KCNMA1: variants seen among roughly 807,000 people sequenced by gnomAD.
KCNMA1 encodes Calcium-activated potassium channel subunit alpha-1.
KCNMA1 carries 29 observed loss-of-function variants against 140.0 expected under a neutral mutation model. That is an observed-to-expected ratio of 0.21 (90% CI 0.15 to 0.28). KCNMA1 has a LOEUF of 0.28. Among genes scored for constraint, KCNMA1 ranks in the 10% least tolerant of loss-of-function variants. The pLI is 1.00. For missense variants in KCNMA1, 880 were observed against 1,602.2 expected (o/e 0.55, Z 7.70); for synonymous variants, 612 against 611.9 (o/e 1.00, Z 0.00).
intron 19 of KCNMA1, among the ~76,000 whole-genome samples, chr10:76,999,269 T>TG (rs2085401705): frequency 6.6e-6 from 1 of 152,208 alleles, no homozygotes; most frequent in Non-Finnish European, 1.5e-5. Flanking sequence ...GGGGTCTACA[T>TG]GGGGGACACA....
At chr10:77,383,837 T>C (rs2095511295) in intron 2 of KCNMA1, among the ~76,000 whole-genome samples, 1 of 152,092 alleles carries the variant, frequency 6.6e-6, no homozygotes, top group Non-Finnish European at 1.5e-5. Flanking sequence ...GGACTACAGG[T>C]GTGCACTACT....
intron 1 of KCNMA1, among the ~76,000 whole-genome samples, chr10:77,526,068 G>A (rs1343715791): frequency 6.6e-6 from 1 of 152,152 alleles, no homozygotes; most frequent in Non-Finnish European, 1.5e-5. Context: ...TCTGGACATT[G>A]CCATGTCCAG....
chr10:77,360,586 G>A (rs891821589), intron 2 of KCNMA1, among the ~76,000 whole-genome samples: 7 of 152,106 alleles, frequency 4.6e-5, no homozygotes, highest in African/African-American at 1.4e-4. Context: ...AATACTCCCC[G>A]GAGCACCTGG....
At chr10:77,601,595 G>A (rs1361673019) in intron 1 of KCNMA1, among the ~76,000 whole-genome samples, 1 of 152,182 alleles carries the variant, frequency 6.6e-6, no homozygotes, top group Non-Finnish European at 1.5e-5. Flanking sequence ...CCCATCAGCT[G>A]CAGGACAAAG....
chr10:77,087,815 A>G (rs2096728029), intron 10 of KCNMA1, among the ~76,000 whole-genome samples: 1 of 152,222 alleles, frequency 6.6e-6, no homozygotes, highest in African/African-American at 2.4e-5. Context: ...AGGTACCGTG[A>G]TAAGTCAACA....
intron 1 of KCNMA1, among the ~76,000 whole-genome samples, chr10:77,451,326 G>A (rs1434553687): frequency 6.6e-6 from 1 of 152,158 alleles, no homozygotes; most frequent in Non-Finnish European, 1.5e-5. Context: ...GATAAAAAGA[G>A]GAACCCTGTG....
chr10:77,466,345 T>C (rs905708115), intron 1 of KCNMA1, among the ~76,000 whole-genome samples: 5 of 152,180 alleles, frequency 3.3e-5, no homozygotes, highest in Admixed American at 2.6e-4. Flanking sequence ...TAGCTGCTTC[T>C]TCATCTCCAA....
chr10:77,179,807 T>A (rs2098788355), intron 5 of KCNMA1, among the ~76,000 whole-genome samples: 1 of 152,186 alleles, frequency 6.6e-6, no homozygotes, highest in Non-Finnish European at 1.5e-5. Context: ...AAGTCCTGCC[T>A]CATAGGTTTG....
chr10:76,926,847 T>C (rs941231186), intron 23 of KCNMA1, among the ~76,000 whole-genome samples: 3 of 152,048 alleles, frequency 2.0e-5, no homozygotes, highest in African/African-American at 7.3e-5. Flanking sequence ...ACCAAATACA[T>C]TAAACCACAA....
chr10:77,383,294 C>G (rs1041491812), intron 2 of KCNMA1, among the ~76,000 whole-genome samples: 1 of 151,814 alleles, frequency 6.6e-6, no homozygotes, highest in Non-Finnish European at 1.5e-5. Context: ...TGGCTTAGGA[C>G]CGACCTGTGA....
At chr10:77,182,875 C>T (rs1490735491) in intron 5 of KCNMA1, among the ~76,000 whole-genome samples, 1 of 152,172 alleles carries the variant, frequency 6.6e-6, no homozygotes, top group African/African-American at 2.4e-5. Flanking sequence ...TACAGTACAG[C>T]CCAGCAGCAC....
intron 2 of KCNMA1, among the ~76,000 whole-genome samples, chr10:77,321,451 G>C (rs2082297222): frequency 6.6e-6 from 1 of 150,828 alleles, no homozygotes; most frequent in Non-Finnish European, 1.5e-5. Flanking sequence ...AGAAGCCCAA[G>C]TCCTGAGGAT....
chr10:77,403,832 T>A, intron 2 of KCNMA1, 30 bp downstream of exon 2: 1 of 1,602,620 alleles, frequency 6.2e-7, no homozygotes, highest in Non-Finnish European at 8.5e-7. Flanking sequence ...CAGCAAGGCC[T>A]CCTGGTGTGA....
intron 23 of KCNMA1, among the ~76,000 whole-genome samples, chr10:76,943,703 T>C (rs1445993449): frequency 6.6e-6 from 1 of 152,186 alleles, no homozygotes; most frequent in Non-Finnish European, 1.5e-5. Context: ...CAGGAACTAT[T>C]GTTCCTGGCT....
At chr10:77,595,726 C>T (rs533257370) in intron 1 of KCNMA1, among the ~76,000 whole-genome samples, 8 of 152,164 alleles carry the variant, frequency 5.3e-5, no homozygotes, top group Admixed American at 2.0e-4. Context: ...AGTGCAGTGG[C>T]GCAATCTTTG....
chr10:77,352,031 T>C (rs2092946254), intron 2 of KCNMA1, among the ~76,000 whole-genome samples: 1 of 152,210 alleles, frequency 6.6e-6, no homozygotes, highest in Non-Finnish European at 1.5e-5. Context: ...TGTGCCTGAA[T>C]AGTCTCCCTG....
intron 19 of KCNMA1, chr10:76,980,622 G>A (rs1243296389): frequency 6.6e-6 from 1 of 152,122 alleles, no homozygotes; most frequent in African/African-American, 2.4e-5. Flanking sequence ...TAAAAATCTT[G>A]TAGAGGACTG....
intron 1 of KCNMA1, among the ~76,000 whole-genome samples, chr10:77,415,669 C>A (rs2096725167): frequency 6.6e-6 from 1 of 152,218 alleles, no homozygotes; most frequent in African/African-American, 2.4e-5. Context: ...CCATTGCCAT[C>A]CTGTAGACCA....
chr10:77,048,212 A>C (rs1422149092), intron 14 of KCNMA1, among the ~76,000 whole-genome samples: 1 of 151,998 alleles, frequency 6.6e-6, no homozygotes, highest in Non-Finnish European at 1.5e-5. Context: ...CAATCCATAT[A>C]AAATTAATCC....
Sources: allele counts gnomAD v4.1 joint callset (sites outside exome capture counted in the v4.1 genomes callset), GRCh38; gene constraint gnomAD v4.1.1; transcripts MANE v1.5; gene names NCBI Gene and HGNC (gene_info 2026-07-23, HGNC 2026-07-21).